Variants in IQSEC1 observed in about 807,000 individuals in gnomAD.
The protein encoded by IQSEC1 is IQ motif and Sec7 domain ArfGEF 1.
Under a neutral mutation model 91.0 loss-of-function variants are expected in IQSEC1, and 31 were observed. That is an observed-to-expected ratio of 0.34 (90% CI 0.26 to 0.46). The LOEUF (loss-of-function observed/expected upper bound fraction) is 0.46. Among genes scored for constraint, IQSEC1 ranks in the 20% least tolerant of loss-of-function variants. The probability of loss-of-function intolerance (pLI) is 1.00; values close to 1 mark genes in which losing one functional copy is unlikely to be tolerated. For synonymous variants in IQSEC1, 699 were observed against 662.6 expected, an observed-to-expected ratio of 1.05 and a Z score of -0.84; for missense variants, 1,388 against 1,575.6, an observed-to-expected ratio of 0.88 and a Z score of 2.02.
rs1221515330 is a variant in IQSEC1, at chr3:12,897,209, G to A, written c.*3774C>T. 2 of 152,230 alleles carry A rather than the reference G, an allele frequency of 1.3e-5. No individual in the cohort carries two copies. Among genetic ancestry groups the A allele is most frequent in the Admixed American group, 6.5e-5 (1 of 15,286 alleles). The allele number at this position is 152,230 out of a possible 1,614,324, so 9.4% of individuals were successfully genotyped here. On this transcript the variant is annotated 3_prime_UTR_variant, in exon 14 of 14. Transcript: ENST00000613206. ...GCAACTTCTGGACTTTTCAGAAAAAGTGAGAATCCGAGAGTTTCAAAGGAT... is the reference window on the plus strand; with the variant it reads ...GCAACTTCTGGACTTTTCAGAAAAAATGAGAATCCGAGAGTTTCAAAGGAT...
intron 2 of IQSEC1, among the ~76,000 whole-genome samples, chr3:13,150,984 G>C (rs1008042687): frequency 4.6e-5 from 7 of 152,216 alleles, no homozygotes; most frequent in African/African-American, 1.4e-4. Context: ...GTCATCCCAG[G>C]GGGGCTGCCC....
intron 1 of IQSEC1, among the ~76,000 whole-genome samples, chr3:13,046,621 GA>G (rs754500892): frequency 1.3e-5 from 2 of 152,244 alleles, no homozygotes; most frequent in Non-Finnish European, 2.9e-5. Flanking sequence ...TTAGCAGGAC[GA>G]AGCTCCCTCC....
At chr3:12,911,882 G>A (rs556907008) in intron 9 of IQSEC1, among the ~76,000 whole-genome samples, 154 bp from the exon 10 acceptor site, 37 of 152,268 alleles carry the variant, frequency 2.4e-4, no homozygotes, top group African/African-American at 7.7e-4. Context: ...TCCAAGACTC[G>A]GACAACGGTT....
intron 1 of IQSEC1, among the ~76,000 whole-genome samples, chr3:13,016,573 C>T (rs922290364): frequency 5.3e-5 from 8 of 152,228 alleles, no homozygotes; most frequent in Non-Finnish European, 1.5e-5. Flanking sequence ...CTCTCGACTC[C>T]TGCCAGCCTC....
chr3:13,194,555 C>A lies in IQSEC1; in HGVS notation c.273-30422G>T, dbSNP rs569126992. Among the ~76,000 whole-genome samples, 3 of 152,188 alleles carry A rather than the reference C, an allele frequency of 2.0e-5. No homozygotes were observed. In the East Asian group the frequency reaches 5.8e-4, roughly 29 times the overall value. ...GGCGCCCCAACTCGCTTTCCACCCCCCTTCTCAGAGCTGCTTTCTACAAGC... is the reference window on the plus strand; with the variant it reads ...GGCGCCCCAACTCGCTTTCCACCCCACTTCTCAGAGCTGCTTTCTACAAGC... On this transcript the variant is annotated intron_variant, in intron 1 of 15. Transcript: ENST00000648114.
intron 1 of IQSEC1, among the ~76,000 whole-genome samples, chr3:12,976,923 C>T (rs1052388068): frequency 2.2e-5 from 3 of 139,292 alleles, no homozygotes; most frequent in African/African-American, 8.2e-5. Flanking sequence ...CCTCTTTATA[C>T]CATAGAGAGA....
chr3:12,982,767 A>T (rs542006858), intron 1 of IQSEC1, among the ~76,000 whole-genome samples: 2 of 152,326 alleles, frequency 1.3e-5, no homozygotes, highest in South Asian at 4.1e-4. Flanking sequence ...CTGACAGGAA[A>T]GAGCTGCCTG....
chr3:12,927,445 A>ACAGG lies in IQSEC1; in HGVS notation c.1569-2704_1569-2703insCCTG, dbSNP rs1304323099. On this transcript the variant is annotated intron_variant, in intron 3 of 13. Coordinates refer to ENST00000613206, the MANE Select transcript of IQSEC1 (RefSeq NM_001134382.3). ...CCAGGCTGTCTGGTCCCTTCCCCAC[A>ACAGG]TAGGTGCATGCTCTAACTCCACCCA... is the stretch of plus-strand genomic sequence containing the variant. 1.9e-3 allele frequency among the ~76,000 whole-genome samples: 256 copies of ACAGG among 136,276 alleles called. 7 individuals are homozygous for ACAGG. Among genetic ancestry groups the ACAGG allele is most frequent in the African/African-American group, 7.2e-3 (247 of 34,170 alleles). 89.4% of individuals were successfully genotyped at this position (136,276 alleles called of 152,430 possible). A position where few individuals can be genotyped will look rare whatever the true frequency, so the allele number is the denominator to read the frequency against.
At chr3:13,180,556 G>C (rs1576285086) in intron 1 of IQSEC1, among the ~76,000 whole-genome samples, 1 of 152,146 alleles carries the variant, frequency 6.6e-6, no homozygotes, top group Non-Finnish European at 1.5e-5. Flanking sequence ...CGAGCCAGCA[G>C]TGGCAACCCG....
At chr3:12,976,887 A>G (rs564395978) in intron 1 of IQSEC1, among the ~76,000 whole-genome samples, 37 of 152,208 alleles carry the variant, frequency 2.4e-4, no homozygotes, top group Admixed American at 9.2e-4. Context: ...CCTTGTCTCA[A>G]TCTCAGCAAT....
chr3:13,167,867 G>A (rs1467769222), intron 1 of IQSEC1, among the ~76,000 whole-genome samples: 1 of 152,228 alleles, frequency 6.6e-6, no homozygotes, highest in African/African-American at 2.4e-5. Flanking sequence ...TGCCCTTGCA[G>A]CTCTGGTTCT....
At chr3:13,266,020 G>T (rs1234673937) in intron 1 of IQSEC1, among the ~76,000 whole-genome samples, 9 of 150,542 alleles carry the variant, frequency 6.0e-5, no homozygotes, top group African/African-American at 2.2e-4. Flanking sequence ...CGAGACTCCT[G>T]TTATTACTTT....
chr3:13,092,058 C>G (rs1395405142), intron 2 of IQSEC1, among the ~76,000 whole-genome samples: 1 of 152,154 alleles, frequency 6.6e-6, no homozygotes, highest in African/African-American at 2.4e-5. Context: ...AAGCACAGCT[C>G]TTTCTGGGGT....
chr3:13,227,416 G>T (rs947531583), intron 1 of IQSEC1, among the ~76,000 whole-genome samples: 9 of 139,258 alleles, frequency 6.5e-5, no homozygotes, highest in African/African-American at 2.2e-4. Context: ...AAAAGAAAAC[G>T]AAAAAAGAAA....
At chr3:13,234,937 C>T (rs535865701) in intron 1 of IQSEC1, among the ~76,000 whole-genome samples, 21 of 152,284 alleles carry the variant, frequency 1.4e-4, no homozygotes, top group African/African-American at 2.4e-4. Context: ...CGGCAGTCAG[C>T]CACGAGGTGT....
chr3:13,005,160 T>A (rs1702580466), intron 1 of IQSEC1, among the ~76,000 whole-genome samples: 1 of 152,090 alleles, frequency 6.6e-6, no homozygotes, highest in African/African-American at 2.4e-5. Context: ...GTGTGTGGGG[T>A]TAATATGGCA....
chr3:12,909,479 T>A lies in IQSEC1; in HGVS notation c.2417-45A>T, dbSNP rs190348174. 4.8e-5 allele frequency: 75 copies of A among 1,567,578 alleles called. No homozygotes were observed. In the African/African-American group the frequency reaches 8.4e-4, roughly 17 times the overall value. On this transcript the variant is annotated intron_variant, in intron 10 of 13. Transcript: ENST00000613206. The surrounding 1 kb of genome is among the most constrained non-coding windows in gnomAD (Gnocchi z 4.9). ...GGGAGGAGGCCCACGGGTCTCAGTG[T>A]GTTCTCTGCAATCTCCTCTCTGGTC...
intron 1 of IQSEC1, among the ~76,000 whole-genome samples, chr3:13,048,251 G>C (rs776460526): frequency 6.6e-6 from 1 of 152,220 alleles, no homozygotes; most frequent in Non-Finnish European, 1.5e-5. Context: ...ACTGTCTCTT[G>C]TCTGCTCTGC....
rs1213830618 is a variant in IQSEC1, at chr3:12,902,670, C to CAAAAA, written c.2805+98_2805+102dup. 4.4e-3 allele frequency: 841 copies of CAAAAA among 192,284 alleles called. 25 individuals are homozygous for CAAAAA. Among genetic ancestry groups the CAAAAA allele is most frequent in the Middle Eastern group, 7.5e-3 (5 of 670 alleles). The allele number at this position is 192,284 out of a possible 1,614,324, so 11.9% of individuals were successfully genotyped here. The stretch of plus-strand genomic sequence containing the variant: ...AAAAAAAAAACAACAAAAAAAAAAC[C>CAAAAA]AAAAAAAAAAAAAAAAAAAAAAAAC... On this transcript the variant is annotated intron_variant, in intron 13 of 13. Transcript: ENST00000613206.
Sources: allele counts gnomAD v4.1 joint callset (sites outside exome capture counted in the v4.1 genomes callset), GRCh38; gene constraint gnomAD v4.1.1; non-coding constraint Gnocchi (gnomAD v3.1); transcripts MANE v1.5; gene names NCBI Gene and HGNC (gene_info 2026-07-23, HGNC 2026-07-21).